KALRN: variants seen among roughly 807,000 people sequenced by gnomAD.
KALRN encodes the protein kalirin RhoGEF kinase.
A neutral mutation model predicts 353.7 loss-of-function variants in KALRN; 70 were observed. That is an observed-to-expected ratio of 0.20 (90% CI 0.16 to 0.24). The LOEUF (loss-of-function observed/expected upper bound fraction) is 0.24, where lower values mean the gene tolerates loss of function less well. Ranked by LOEUF, KALRN falls within the 10% of genes least tolerant of loss-of-function variation. KALRN has a pLI of 1.00. For missense variants in KALRN, 2,791 were observed against 3,756.7 expected, an observed-to-expected ratio of 0.74 and a Z score of 6.72; for synonymous variants, 1,391 against 1,434.8, an observed-to-expected ratio of 0.97 and a Z score of 0.69.
chr3:124,569,773 C>T (rs547788438), intron 34 of KALRN, among the ~76,000 whole-genome samples: 1 of 152,346 alleles, frequency 6.6e-6, no homozygotes, highest in Admixed American at 6.5e-5. Context: ...TATAGTTACA[C>T]ATACCCACCT....
chr3:124,446,920 C>A (rs1268046426), intron 21 of KALRN, 35 bp downstream of exon 21: 1 of 1,603,154 alleles, frequency 6.2e-7, no homozygotes, highest in East Asian at 2.2e-5. Flanking sequence ...CCAGATCCAC[C>A]CAGAACTCTC....
chr3:124,438,442 T>C (rs1051964510), intron 17 of KALRN, among the ~76,000 whole-genome samples: 1 of 152,058 alleles, frequency 6.6e-6, no homozygotes, highest in African/African-American at 2.4e-5. Flanking sequence ...CCATACAACA[T>C]AGGCAACTTC....
chr3:124,693,317 G>A (rs2061910871), intron 51 of KALRN, among the ~76,000 whole-genome samples: 1 of 152,138 alleles, frequency 6.6e-6, no homozygotes, highest in Admixed American at 6.5e-5. Context: ...AAAGGGTAAA[G>A]GGAGGACATT....
At chr3:124,153,827 T>G (rs1453167501) in intron 1 of KALRN, among the ~76,000 whole-genome samples, 6 of 151,778 alleles carry the variant, frequency 4.0e-5, no homozygotes, top group South Asian at 4.2e-4. Flanking sequence ...GTGTGAGATG[T>G]TATCTCATTG....
intron 3 of KALRN, among the ~76,000 whole-genome samples, chr3:124,244,608 A>G (rs914719960): frequency 6.6e-6 from 1 of 152,218 alleles, no homozygotes; most frequent in Non-Finnish European, 1.5e-5. Flanking sequence ...TCCAGTTAGC[A>G]TTATACTATA....
At chr3:124,050,612 T>C (rs191690581) in intron 1 of KALRN, among the ~76,000 whole-genome samples, 1,905 of 152,292 alleles carry the variant, frequency 0.013, 13 homozygotes, top group Non-Finnish European at 0.019. Context: ...GTATATATAG[T>C]GGAGCCTGAG....
At chr3:124,356,615 T>C (rs1042276422) in intron 10 of KALRN, among the ~76,000 whole-genome samples, 8 of 152,138 alleles carry the variant, frequency 5.3e-5, no homozygotes, top group Non-Finnish European at 2.9e-5. Context: ...TTTACAGGTG[T>C]GCGCCACCGC....
chr3:124,582,163 G>A (rs1252033629), intron 34 of KALRN, among the ~76,000 whole-genome samples: 1 of 152,048 alleles, frequency 6.6e-6, no homozygotes, highest in Non-Finnish European at 1.5e-5. Context: ...GGGGATTACA[G>A]ACATGCATCA....
chr3:124,491,688 G>T, intron 31 of KALRN: 1 of 330,318 alleles, frequency 3.0e-6, no homozygotes, highest in Non-Finnish European at 5.5e-6. Flanking sequence ...GACCAGCTCA[G>T]CAAGGCCCGC....
intron 6 of KALRN, among the ~76,000 whole-genome samples, chr3:124,306,536 C>T (rs1560517149): frequency 6.6e-6 from 1 of 151,154 alleles, no homozygotes; most frequent in Non-Finnish European, 1.5e-5. Flanking sequence ...AATGGCAGTA[C>T]CAAAAGGAGA....
At chr3:124,236,545 G>A (rs2079792916) in intron 3 of KALRN, among the ~76,000 whole-genome samples, 1 of 152,178 alleles carries the variant, frequency 6.6e-6, no homozygotes, top group South Asian at 2.1e-4. Flanking sequence ...AAGAAATTGG[G>A]ATCCCGGAAG....
chr3:124,283,003 G>T (rs1208843963), intron 5 of KALRN, among the ~76,000 whole-genome samples: 1 of 152,216 alleles, frequency 6.6e-6, no homozygotes, highest in Non-Finnish European at 1.5e-5. Context: ...AGCATAGCTA[G>T]GTGGTGGTCT....
chr3:124,069,109 A>T lies in KALRN; in HGVS notation c.73+35296A>T, dbSNP rs149509079. ...TGGTATAAAATTGAGCATTTTCACA[A>T]ATATCTCATTAATCTTTAAAATGAC... On this transcript the variant is annotated intron_variant, in intron 1 of 59. Coordinates refer to ENST00000682506, the MANE Select transcript of KALRN (RefSeq NM_001388419.1). Among the ~76,000 whole-genome samples, 1,203 of 152,272 alleles carry T rather than the reference A, an allele frequency of 7.9e-3. 5 individuals carry two copies. The highest frequency in any genetic ancestry group is 0.014 in the Middle Eastern group (4 of 294).
chr3:124,653,347 A>G (rs1362069581), intron 38 of KALRN, among the ~76,000 whole-genome samples: 1 of 152,252 alleles, frequency 6.6e-6, no homozygotes, highest in Non-Finnish European at 1.5e-5. Flanking sequence ...TAGTCATTCA[A>G]CAAATACTGG....
intron 33 of KALRN, among the ~76,000 whole-genome samples, chr3:124,548,016 C>G (rs575916095): frequency 1.3e-5 from 2 of 152,278 alleles, no homozygotes; most frequent in South Asian, 2.1e-4. Context: ...GAAATTTGCT[C>G]TCCATCTAAG....
intron 33 of KALRN, chr3:124,505,063 C>T (rs549231491): frequency 2.2e-6 from 1 of 460,720 alleles, no homozygotes; most frequent in East Asian, 7.0e-5. Flanking sequence ...GAAGTGGTGG[C>T]TTTCAGGGCA....
intron 14 of KALRN, among the ~76,000 whole-genome samples, chr3:124,414,107 GA>G (rs2092361505): frequency 2.0e-5 from 3 of 151,494 alleles, no homozygotes; most frequent in African/African-American, 7.3e-5. Context: ...AAAAAAAAAA[GA>G]AAAGAAACGG....
chr3:124,118,829 T>C (rs1162967788), intron 1 of KALRN, among the ~76,000 whole-genome samples: 1 of 152,216 alleles, frequency 6.6e-6, no homozygotes, highest in East Asian at 1.9e-4. Context: ...TTCTTTACAG[T>C]TTATAAAGCA....
Position 124,721,538 on chromosome 3 carries a change from A to G in KALRN, c.*2068A>G, listed in dbSNP as rs1402350346. ...AATGTAAAACATATTTAGTAAAAAA[A>G]TTTTAGTAAACATGTTTTCATTGTG... On this transcript the variant is annotated 3_prime_UTR_variant, in exon 60 of 60. Coordinates refer to ENST00000682506, the MANE Select transcript of KALRN (RefSeq NM_001388419.1). 9 of 152,244 alleles carry G rather than the reference A, an allele frequency of 5.9e-5. No individual in the cohort carries two copies. The highest frequency in any genetic ancestry group is 5.9e-4 in the Admixed American group (9 of 15,286). The allele number at this position is 152,244 out of a possible 1,614,324, so 9.4% of individuals were successfully genotyped here. A position where few individuals can be genotyped will look rare whatever the true frequency, so the allele number is the denominator to read the frequency against.
Sources: gnomAD v4.1 joint callset for allele counts (sites outside exome capture counted in the v4.1 genomes callset) on GRCh38, gnomAD v4.1.1 for gene constraint, MANE v1.5 for transcripts, NCBI Gene and HGNC (gene_info 2026-07-23, HGNC 2026-07-21) for gene names.